The following BIVM variants were observed in gnomAD, a reference collection of about 807,000 sequenced individuals.
BIVM encodes basic, immunoglobulin-like variable motif containing.
BIVM carries 31 observed loss-of-function variants against 61.4 expected under a neutral mutation model. That is an observed-to-expected ratio of 0.51 (90% CI 0.38 to 0.68). The LOEUF is 0.68. BIVM is among the 30% of genes least tolerant of loss of function. The pLI, the probability that BIVM is intolerant of heterozygous loss-of-function variation, is 0.00. For missense variants in BIVM, 526 were observed against 596.0 expected (o/e 0.88, Z 1.22); for synonymous variants, 189 against 210.7 (o/e 0.90, Z 0.89).
At chr13:102,828,927 G>C (rs1807537712) in intron 7 of BIVM, among the ~76,000 whole-genome samples, 1 of 152,098 alleles carries the variant, frequency 6.6e-6, no homozygotes, top group Non-Finnish European at 1.5e-5. Flanking sequence ...CTACTTGGGA[G>C]GCTGAGGCAC....
chr13:102,820,064 C>T (rs373712768), intron 4 of BIVM, among the ~76,000 whole-genome samples: 24 of 152,214 alleles, frequency 1.6e-4, no homozygotes, highest in African/African-American at 5.8e-4. Flanking sequence ...GCTTGACTAG[C>T]TTCACATTTG....
chr13:102,800,346 G>C (rs1000173440), intron 1 of BIVM: 3 of 152,250 alleles, frequency 2.0e-5, no homozygotes, highest in Non-Finnish European at 4.4e-5. Flanking sequence ...GGAGAGCCTC[G>C]TCTTCCGGCC....
At chr13:102,837,604 G>A (rs576373435) in intron 9 of BIVM, among the ~76,000 whole-genome samples, 6 of 152,278 alleles carry the variant, frequency 3.9e-5, no homozygotes, top group Middle Eastern at 6.8e-3. Flanking sequence ...AGGCACACAC[G>A]TTTATAGTGG....
rs1223791913 is a variant in BIVM, at chr13:102,816,474, G to A, written c.525G>A (p.Lys175=). The A allele has an allele frequency of 6.3e-7, 1 of 1,592,668 alleles. No homozygotes were observed. Among genetic ancestry groups the A allele is most frequent in the Non-Finnish European group, 8.5e-7 (1 of 1,172,202 alleles). The change falls in exon 4 of 11, where the codon AAG becomes AAA. Residue 175 remains lysine, a synonymous_variant. Coordinates refer to ENST00000257336, the MANE Select transcript of BIVM (RefSeq NM_017693.4). ...QVSKRKTSDK[K]GRYQKECPQH... ...CCAAGAGAAAAACTTCAGATAAAAA[G>A]GGAAGATATCAGAAGGAATGTCCTC...
Position 102,821,140 on chromosome 13 carries a change from T to C in BIVM, c.701+8T>C. 6.2e-7 allele frequency: 1 copy of C among 1,606,810 alleles called. No individual in the cohort carries two copies. Among genetic ancestry groups the C allele is most frequent in the Non-Finnish European group, 8.5e-7 (1 of 1,177,932 alleles). On this transcript the variant is annotated splice_region_variant and intron_variant, in intron 5 of 10. Transcript: ENST00000257336. ...CACAATGGGAGCTGGAAAGTAAGTA[T>C]GTCAATTTATCAGTACCCCCAAACT...
chr13:102,833,327 G>GTTTTTT (rs532303115), intron 8 of BIVM, among the ~76,000 whole-genome samples: 1,361 of 79,540 alleles, frequency 0.017, 282 homozygotes, highest in South Asian at 0.035. Context: ...GATAGGATGG[G>GTTTTTT]TTTTTTTTTT....
At chr13:102,820,991 A>G in intron 4 of BIVM, 46 bp from the exon 5 acceptor site, 13 of 1,563,400 alleles carry the variant, frequency 8.3e-6, no homozygotes, top group Non-Finnish European at 1.1e-5. Flanking sequence ...TAGCATGCAT[A>G]TTTTGTGTTC....
intron 7 of BIVM, among the ~76,000 whole-genome samples, chr13:102,825,806 G>T (rs562577046): frequency 2.6e-5 from 4 of 152,248 alleles, no homozygotes; most frequent in Non-Finnish European, 5.9e-5. Flanking sequence ...GTGAAAACCT[G>T]GGGGGATGGC....
chr13:102,835,850 G>A (rs1452464314), intron 9 of BIVM, among the ~76,000 whole-genome samples: 1 of 152,176 alleles, frequency 6.6e-6, no homozygotes, highest in African/African-American at 2.4e-5. Flanking sequence ...GCCTGTTCTT[G>A]ACATTTCGTA....
At position 102,824,040 on chromosome 13, in the gene BIVM, C is replaced by T. The variant is rs541530542; in HGVS notation, c.901+1881C>T. On this transcript the variant is annotated intron_variant, in intron 7 of 10. Transcript: ENST00000257336. ...TGAATGTTTACTTCCACAGGATGTG[C>T]CAAACCTTTTTCTGGTCCAAAAGAT... Among the ~76,000 whole-genome samples the T allele has an allele frequency of 3.3e-5, 5 of 152,306 alleles. No individual in the cohort carries two copies. In the East Asian group the frequency reaches 9.6e-4, roughly 29 times the overall value.
chr13:102,820,387 C>T (rs553785142), intron 4 of BIVM: 7 of 147,660 alleles, frequency 4.7e-5, no homozygotes, highest in East Asian at 3.9e-4. Flanking sequence ...AGAAAGCAAA[C>T]GTATTTCTTC....
chr13:102,807,708 A>G lies in BIVM; in HGVS notation c.441A>G (p.Glu147=), dbSNP rs1485465998. 1 of 1,613,472 alleles carries G rather than the reference A, an allele frequency of 6.2e-7. No homozygotes were observed. The highest frequency in any genetic ancestry group is 8.5e-7 in the Non-Finnish European group (1 of 1,179,764). The change falls in exon 3 of 11, where the codon GAA becomes GAG. Residue 147 remains glutamate (E), a synonymous_variant. Coordinates refer to ENST00000257336, the MANE Select transcript of BIVM (RefSeq NM_017693.4). This position sits in a 1 kb window ranked among gnomAD's most constrained non-coding sequence, Gnocchi z 4.0. Reference sequence around the variant, plus strand: ...TCGCATGGGAAATTGATAAATCTGAATTTGATGGGGTGACCACAAATTCGA... The same window carrying G: ...TCGCATGGGAAATTGATAAATCTGAGTTTGATGGGGTGACCACAAATTCGA... ...LPLAWEIDKS[E]FDGVTTNSKH...
chr13:102,837,420 C>T (rs1173544683), intron 9 of BIVM, among the ~76,000 whole-genome samples: 2 of 152,044 alleles, frequency 1.3e-5, no homozygotes, highest in East Asian at 1.9e-4. Flanking sequence ...TTTTATTAAA[C>T]ATTTTTTCTC....
Position 102,807,573 on chromosome 13 carries a change from T to C in BIVM, c.306T>C (p.Ala102=). The part of the protein sequence containing the change: ...PCLPDSTSLS[A]GNNSSRYIGI... ...TCCCTGATAGTACCTCTTTATCTGC[T>C]GGAAATAATTCATCAAGATACATTG... The change falls in exon 3 of 11, where the codon GCT becomes GCC. Residue 102 remains alanine (A), a synonymous_variant. Coordinates refer to ENST00000257336, the MANE Select transcript of BIVM (RefSeq NM_017693.4). The surrounding 1 kb of genome is among the most constrained non-coding windows in gnomAD (Gnocchi z 4.0). 6.2e-7 allele frequency: 1 copy of C among 1,614,240 alleles called. No homozygotes were observed. Among genetic ancestry groups the C allele is most frequent in the Non-Finnish European group, 8.5e-7 (1 of 1,180,046 alleles).
chr13:102,825,678 T>C (rs2140484338), intron 7 of BIVM, among the ~76,000 whole-genome samples: 1 of 152,344 alleles, frequency 6.6e-6, no homozygotes, highest in Admixed American at 6.5e-5. Context: ...GCCTCACTGA[T>C]GGGATGCCCT....
In BIVM at chr13:102,820,674, G is replaced by T. The variant is rs371155004; in HGVS notation, c.606-363G>T. 2.9e-3 allele frequency: 590 copies of T among 203,258 alleles called. 4 individuals are homozygous for T. The highest frequency in any genetic ancestry group is 0.013 in the African/African-American group (559 of 41,986). The allele number at this position is 203,258 out of a possible 1,614,324, so 12.6% of individuals were successfully genotyped here. On this transcript the variant is annotated intron_variant, in intron 4 of 10. Coordinates refer to ENST00000257336, the MANE Select transcript of BIVM (RefSeq NM_017693.4). The stretch of plus-strand genomic sequence containing the variant: ...AAGAATCTCTCTGAGAAGTTGACAC[G>T]TGGGGGCAATGGTTTGTTTCTCTTG...
At chr13:102,830,571 G>A (rs937962783) in intron 7 of BIVM, among the ~76,000 whole-genome samples, 2 of 152,114 alleles carry the variant, frequency 1.3e-5, no homozygotes, top group Non-Finnish European at 1.5e-5. Flanking sequence ...GGCATAAGAG[G>A]TTGTGGTGGT....
chr13:102,812,737 A>C (rs1050290467), intron 3 of BIVM, among the ~76,000 whole-genome samples: 1 of 152,192 alleles, frequency 6.6e-6, no homozygotes, highest in African/African-American at 2.4e-5. Flanking sequence ...AAAACAGAAC[A>C]AAAAAACCAC....
In BIVM at chr13:102,807,516, T is replaced by C. The variant is rs1349106643; in HGVS notation, c.249T>C (p.Tyr83=). The C allele has an allele frequency of 1.9e-6, 3 of 1,614,092 alleles. No homozygotes were observed. Among genetic ancestry groups the C allele is most frequent in the Non-Finnish European group, 1.7e-6 (2 of 1,180,046 alleles). Residue 83 remains tyrosine (Y), a synonymous_variant, in exon 3 of 11, where the codon TAT becomes TAC. Transcript: ENST00000257336. The surrounding 1 kb of genome is among the most constrained non-coding windows in gnomAD (Gnocchi z 4.0). Reference sequence around the variant, plus strand: ...TTCTCAACCAGGCGACCTCAATCTATAAAACTCCAAATCCATCCCGCTCTC... The same window carrying C: ...TTCTCAACCAGGCGACCTCAATCTACAAAACTCCAAATCCATCCCGCTCTC... ...YAFLNQATSI[Y]KTPNPSRSPC...
Sources: gnomAD v4.1 joint callset for allele counts (sites outside exome capture counted in the v4.1 genomes callset) on GRCh38, gnomAD v4.1.1 for gene constraint, Gnocchi (gnomAD v3.1) non-coding constraint, MANE v1.5 for transcripts, NCBI Gene and HGNC (gene_info 2026-07-23, HGNC 2026-07-21) for gene names.